Variants in KLHL29 observed in about 807,000 individuals in gnomAD.
KLHL29 encodes kelch like family member 29.
In KLHL29, 21 loss-of-function variants were observed where a neutral mutation model predicts 80.4. The ratio of observed to expected loss-of-function variants is 0.26; its 90% CI spans 0.19 to 0.38. The LOEUF (loss-of-function observed/expected upper bound fraction) is 0.38, where lower values mean the gene tolerates loss of function less well. Among genes scored for constraint, KLHL29 ranks in the 10% least tolerant of loss-of-function variants. KLHL29 has a pLI of 1.00. For synonymous variants in KLHL29, 511 were observed against 526.8 expected (o/e 0.97, Z 0.41); for missense variants, 867 against 1,223.9 (o/e 0.71, Z 4.35).
intron 2 of KLHL29, among the ~76,000 whole-genome samples, chr2:23,510,867 G>T (rs950316745): frequency 6.6e-6 from 1 of 152,212 alleles, no homozygotes; most frequent in South Asian, 2.1e-4. Context: ...GGGACAGCAC[G>T]TCACTGCCCT....
intron 5 of KLHL29, among the ~76,000 whole-genome samples, chr2:23,673,558 C>T (rs1670831236): frequency 6.6e-6 from 1 of 151,768 alleles, no homozygotes; most frequent in Non-Finnish European, 1.5e-5. Context: ...ACGCCCATGC[C>T]ACATGCTCAC....
intron 1 of KLHL29, among the ~76,000 whole-genome samples, chr2:23,415,083 G>A (rs576078490): frequency 3.0e-4 from 45 of 152,222 alleles, no homozygotes; most frequent in Non-Finnish European, 5.4e-4. Context: ...AGTTGGTCCA[G>A]AACAGCACCA....
intron 3 of KLHL29, chr2:23,616,475 C>T (rs1461661996): frequency 2.0e-5 from 3 of 152,162 alleles, no homozygotes; most frequent in Non-Finnish European, 4.4e-5. Context: ...TCCTATTCTG[C>T]TGAATAAAGA....
chr2:23,550,556 C>T (rs527718800), intron 2 of KLHL29, among the ~76,000 whole-genome samples: 58 of 152,192 alleles, frequency 3.8e-4, no homozygotes, highest in Non-Finnish European at 5.4e-4. Flanking sequence ...GCTAGTTACT[C>T]GGTGAAATAA....
rs1664086259 is a variant in KLHL29, at chr2:23,457,447, G to A, written c.-153-18113G>A. 6.6e-6 allele frequency among the ~76,000 whole-genome samples: 1 copy of A among 152,076 alleles called. No individual in the cohort carries two copies. The highest frequency in any genetic ancestry group is 6.5e-5 in the Admixed American group (1 of 15,268). ...TTAAGTGGTTTTGGCATGGTTCTGGGGCCCTTCCCCTCCAGGACCCCTGCG... is the reference window on the plus strand; with the variant it reads ...TTAAGTGGTTTTGGCATGGTTCTGGAGCCCTTCCCCTCCAGGACCCCTGCG... On this transcript the variant is annotated intron_variant, in intron 1 of 13. Coordinates refer to ENST00000486442, the MANE Select transcript of KLHL29 (RefSeq NM_052920.2). The surrounding 1 kb of genome is among the most constrained non-coding windows in gnomAD (Gnocchi z 4.3).
intron 1 of KLHL29, among the ~76,000 whole-genome samples, chr2:23,436,012 C>T (rs1194856052): frequency 2.0e-5 from 3 of 151,748 alleles, no homozygotes; most frequent in South Asian, 2.1e-4. Flanking sequence ...CCTCATCCTC[C>T]GGCTATTTCT....
intron 2 of KLHL29, among the ~76,000 whole-genome samples, chr2:23,530,786 C>T (rs1558375448): frequency 6.6e-6 from 1 of 152,158 alleles, no homozygotes; most frequent in Non-Finnish European, 1.5e-5. Flanking sequence ...CACATCCCTC[C>T]TGGGCCCAGT....
intron 2 of KLHL29, among the ~76,000 whole-genome samples, chr2:23,508,006 T>A (rs1665653237): frequency 6.6e-6 from 1 of 152,236 alleles, no homozygotes; most frequent in Non-Finnish European, 1.5e-5. Context: ...AAGTTAGTGT[T>A]GTCCTAGGGA....
intron 2 of KLHL29, among the ~76,000 whole-genome samples, chr2:23,504,426 C>A (rs902350584): frequency 6.6e-6 from 1 of 152,168 alleles, no homozygotes; most frequent in Non-Finnish European, 1.5e-5. Context: ...TGCCCCACTG[C>A]CCATGGGGTC....
intron 3 of KLHL29, among the ~76,000 whole-genome samples, chr2:23,627,969 A>G (rs1669362707): frequency 7.2e-6 from 1 of 139,260 alleles, no homozygotes; most frequent in Non-Finnish European, 1.5e-5. Flanking sequence ...GGGCAGTGGC[A>G]CGATCTCGGC....
intron 2 of KLHL29, among the ~76,000 whole-genome samples, chr2:23,515,668 G>A (rs994615595): frequency 1.3e-5 from 2 of 152,266 alleles, no homozygotes; most frequent in African/African-American, 4.8e-5. Flanking sequence ...AAGGTCTCCT[G>A]TGAACGAGGA....
intron 5 of KLHL29, among the ~76,000 whole-genome samples, chr2:23,654,696 TG>T (rs796647247): frequency 0.047 from 3,114 of 65,688 alleles, 220 homozygotes; most frequent in African/African-American, 0.11. Flanking sequence ...GAACAGAGGT[TG>T]GGGGGGGGGG....
intron 1 of KLHL29, among the ~76,000 whole-genome samples, chr2:23,464,198 A>G (rs1402353445): frequency 6.6e-6 from 1 of 152,210 alleles, no homozygotes; most frequent in Non-Finnish European, 1.5e-5. Context: ...ATTGAATTCC[A>G]TCCAAGTAAT....
intron 3 of KLHL29, among the ~76,000 whole-genome samples, chr2:23,590,144 G>A (rs1482679595): frequency 1.3e-5 from 2 of 152,358 alleles, no homozygotes; most frequent in East Asian, 1.9e-4. Context: ...CTATGGAAGA[G>A]CCAACTGCAT....
chr2:23,682,196 G>A lies in KLHL29; in HGVS notation c.941-2203G>A, dbSNP rs762535561. On this transcript the variant is annotated intron_variant, in intron 5 of 13. Coordinates refer to ENST00000486442, the MANE Select transcript of KLHL29 (RefSeq NM_052920.2). The surrounding 1 kb of genome is among the most constrained non-coding windows in gnomAD (Gnocchi z 4.1). ...TGTCCTGCTGTTGCTGTGTAATTCC[G>A]GCCTTCTCACCTCTCCCTCGGAAAG... 2.0e-5 allele frequency among the ~76,000 whole-genome samples: 3 copies of A among 152,108 alleles called. No individual in the cohort carries two copies. The highest frequency in any genetic ancestry group is 1.9e-4 in the East Asian group (1 of 5,184).
intron 2 of KLHL29, among the ~76,000 whole-genome samples, chr2:23,552,778 T>TTTTTTTTTTTTTTTTG (rs1667162986): frequency 1.4e-5 from 2 of 148,106 alleles, no homozygotes; most frequent in Admixed American, 6.8e-5. Context: ...TTTTTTTTTT[T>TTTTTTTTTTTTTTTTG]GAGATGGCGT....
intron 2 of KLHL29, among the ~76,000 whole-genome samples, chr2:23,544,410 T>C (rs1385977542): frequency 2.0e-5 from 3 of 152,158 alleles, no homozygotes; most frequent in Non-Finnish European, 4.4e-5. Context: ...TTTGGGCCAA[T>C]TGCTTGAGCT....
In KLHL29 at chr2:23,703,293, T is replaced by C; in HGVS notation, c.2213T>C (p.Val738Ala). The change falls in exon 12 of 14, where the codon GTG becomes GCG. Residue 738 changes from valine to alanine, a missense_variant. Around this residue, in one of 2 missense-constraint regions of KLHL29, gnomAD observed 443 missense variants for 767.0 expected, o/e 0.58. Coordinates refer to ENST00000486442, the MANE Select transcript of KLHL29 (RefSeq NM_052920.2). ...GGCAAGATCTACGTGTTTGGTGGGG[T>C]GAACGAGGCAGGCCGAGCTGCCGGC... ...CGGKIYVFGGVNEAGRAAGVL... is the reference protein window; with the variant it reads ...CGGKIYVFGGANEAGRAAGVL... 1.3e-6 allele frequency: 2 copies of C among 1,548,876 alleles called. No homozygotes were observed. The highest frequency in any genetic ancestry group is 2.7e-5 in the African/African-American group (2 of 73,034).
chr2:23,687,149 C>T (rs901883531), intron 6 of KLHL29, among the ~76,000 whole-genome samples: 2 of 152,180 alleles, frequency 1.3e-5, no homozygotes, highest in Admixed American at 6.5e-5. Context: ...AGTGGCTCCA[C>T]GCTCAGGCAG....
Sources: allele counts gnomAD v4.1 joint callset (sites outside exome capture counted in the v4.1 genomes callset), GRCh38; gene constraint gnomAD v4.1.1; regional missense constraint gnomAD v4.1.1; non-coding constraint Gnocchi (gnomAD v3.1); transcripts MANE v1.5; gene names NCBI Gene and HGNC (gene_info 2026-07-23, HGNC 2026-07-21).